The following TENM3 variants were observed in gnomAD, a reference collection of about 807,000 sequenced individuals.
TENM3 encodes the protein teneurin transmembrane protein 3.
A neutral mutation model predicts 255.1 loss-of-function variants in TENM3; 63 were observed. The observed-to-expected ratio is 0.25, with a 90% CI of 0.20 to 0.30. The LOEUF (loss-of-function observed/expected upper bound fraction) is 0.30, where lower values mean the gene tolerates loss of function less well. Ranked by LOEUF, TENM3 falls within the 10% of genes least tolerant of loss-of-function variation. The probability of loss-of-function intolerance (pLI) is 1.00; values close to 1 mark genes in which losing one functional copy is unlikely to be tolerated. For missense variants in TENM3, 2,929 were observed against 3,461.1 expected (o/e 0.85, Z 3.86); for synonymous variants, 1,306 against 1,322.3 (o/e 0.99, Z 0.27).
chr4:182,445,820 C>T (rs1273328880), intron 3 of TENM3, among the ~76,000 whole-genome samples: 1 of 152,168 alleles, frequency 6.6e-6, no homozygotes, highest in Non-Finnish European at 1.5e-5. Flanking sequence ...TTGATAGTGT[C>T]TGCTCATGGA....
At chr4:181,655,315 G>A in the TENM3 span, among the ~76,000 whole-genome samples, 29 of 152,210 alleles carry the variant, frequency 1.9e-4, no homozygotes, top group African/African-American at 6.0e-4. Flanking sequence ...AGATGATAGT[G>A]CCATTAATGA....
the TENM3 span, among the ~76,000 whole-genome samples, chr4:181,825,395 C>A: frequency 4.3e-5 from 3 of 69,152 alleles, no homozygotes; most frequent in Non-Finnish European, 7.6e-5. Context: ...AGTGAGACTC[C>A]ATCTCAAAAA....
chr4:181,603,623 TAATG>T, the TENM3 span, among the ~76,000 whole-genome samples: 1 of 152,086 alleles, frequency 6.6e-6, no homozygotes, highest in South Asian at 2.1e-4. Flanking sequence ...AATATAGAAA[TAATG>T]AAATATTAAA....
At chr4:182,131,064 C>T in the TENM3 span, among the ~76,000 whole-genome samples, 1 of 152,102 alleles carries the variant, frequency 6.6e-6, no homozygotes, top group Admixed American at 6.5e-5. Context: ...GCCAAGTCAT[C>T]TGCACAAGTG....
At chr4:182,041,422 A>C in the TENM3 span, among the ~76,000 whole-genome samples, 26 of 152,304 alleles carry the variant, frequency 1.7e-4, no homozygotes, top group Admixed American at 5.9e-4. Flanking sequence ...TACTGGAAAA[A>C]AAGCAAAGAC....
At chr4:182,421,911 G>A (rs1770864228) in intron 3 of TENM3, among the ~76,000 whole-genome samples, 2 of 152,142 alleles carry the variant, frequency 1.3e-5, no homozygotes, top group Admixed American at 6.5e-5. Flanking sequence ...CATTCGGGAT[G>A]ACCATTGGCT....
intron 24 of TENM3, among the ~76,000 whole-genome samples, chr4:182,787,735 C>CAAA (rs33998093): frequency 6.5e-4 from 27 of 41,572 alleles, no homozygotes; most frequent in East Asian, 3.3e-3. Context: ...AACTCCACCT[C>CAAA]AAAAAAAAAA....
At chr4:182,397,756 G>T (rs1768945100) in intron 3 of TENM3, among the ~76,000 whole-genome samples, 1 of 152,090 alleles carries the variant, frequency 6.6e-6, no homozygotes, top group African/African-American at 2.4e-5. Flanking sequence ...CAAATTGCTG[G>T]GCCCCCTTCC....
chr4:181,574,762 G>T, the TENM3 span, among the ~76,000 whole-genome samples: 1 of 152,234 alleles, frequency 6.6e-6, no homozygotes, highest in South Asian at 2.1e-4. Context: ...CTTAGAACTG[G>T]AGAGGGCTAA....
the TENM3 span, among the ~76,000 whole-genome samples, chr4:181,595,630 G>A: frequency 1.3e-5 from 2 of 152,022 alleles, no homozygotes; most frequent in African/African-American, 4.8e-5. Context: ...TGACTCATAT[G>A]TGCATTATAG....
At chr4:181,598,865 T>C in the TENM3 span, among the ~76,000 whole-genome samples, 1 of 152,200 alleles carries the variant, frequency 6.6e-6, no homozygotes, top group African/African-American at 2.4e-5. Flanking sequence ...TTGGACTCTT[T>C]TTAAACACGC....
the TENM3 span, among the ~76,000 whole-genome samples, chr4:182,038,160 G>A: frequency 2.6e-5 from 4 of 152,164 alleles, no homozygotes; most frequent in Non-Finnish European, 4.4e-5. Flanking sequence ...GAGGTGAGTT[G>A]GCTCTAGAAG....
Position 182,653,898 on chromosome 4 carries a change from G to C in TENM3, c.1111+5G>C. ...CATTACCTTCTGGAGACAATGGTAA[G>C]CGAAAGAATTATGTATCCTGTGTTT... On this transcript the variant is annotated splice_donor_5th_base_variant and intron_variant, in intron 6 of 27. Coordinates refer to ENST00000511685, the MANE Select transcript of TENM3 (RefSeq NM_001080477.4). The C allele has an allele frequency of 6.2e-7, 1 of 1,605,470 alleles. No individual in the cohort carries two copies. The highest frequency in any genetic ancestry group is 8.5e-7 in the Non-Finnish European group (1 of 1,176,416).
At chr4:181,834,697 G>A in the TENM3 span, among the ~76,000 whole-genome samples, 3 of 152,176 alleles carry the variant, frequency 2.0e-5, no homozygotes, top group African/African-American at 7.2e-5. Context: ...TTCAAGAGAT[G>A]GAAAGTCAGG....
Position 182,610,799 on chromosome 4 carries a change from A to G in TENM3, c.749+9638A>G, listed in dbSNP as rs1444782462. On this transcript the variant is annotated intron_variant, in intron 4 of 27. Transcript: ENST00000511685. ...TACTCTGTTTCTCAGGCTGGAATGCAGTGGTATGATCACAGCTCACTACAA... is the reference window on the plus strand; with the variant it reads ...TACTCTGTTTCTCAGGCTGGAATGCGGTGGTATGATCACAGCTCACTACAA... Among the ~76,000 whole-genome samples, 10 of 146,376 alleles carry G rather than the reference A, an allele frequency of 6.8e-5. No individual in the cohort carries two copies. The Admixed American group carries it at 6.9e-4, about 10-fold the overall frequency.
intron 1 of TENM3, among the ~76,000 whole-genome samples, chr4:182,204,321 A>G (rs1754407856): frequency 6.6e-6 from 1 of 152,212 alleles, no homozygotes; most frequent in Non-Finnish European, 1.5e-5. Flanking sequence ...GGAATGTGTA[A>G]TACCTTTATT....
intron 3 of TENM3, among the ~76,000 whole-genome samples, chr4:182,514,992 A>G (rs923869243): frequency 6.6e-6 from 1 of 152,234 alleles, no homozygotes; most frequent in Non-Finnish European, 1.5e-5. Context: ...GAAACCAAGA[A>G]AGGAGAACAT....
At chr4:182,528,123 GT>G (rs532708228) in intron 3 of TENM3, among the ~76,000 whole-genome samples, 12 of 152,048 alleles carry the variant, frequency 7.9e-5, no homozygotes, top group African/African-American at 2.9e-4. Flanking sequence ...TTAAAAGTTT[GT>G]TTTTTTATTT....
In TENM3 at chr4:182,755,614, G is replaced by A. The variant is rs545548387; in HGVS notation, c.4892+355G>A. Among the ~76,000 whole-genome samples the A allele has an allele frequency of 4.7e-4, 72 of 152,174 alleles. No homozygotes were observed. In the South Asian group the frequency reaches 8.1e-3, roughly 17 times the overall value. ...AGCACTTTGGGAGGCCGAGGCGGGC[G>A]GATCACGAGGTCAGAAGATCGAGAC... On this transcript the variant is annotated intron_variant, in intron 22 of 27. Coordinates refer to ENST00000511685, the MANE Select transcript of TENM3 (RefSeq NM_001080477.4).
Sources: allele counts gnomAD v4.1 joint callset (sites outside exome capture counted in the v4.1 genomes callset), GRCh38; gene constraint gnomAD v4.1.1; transcripts MANE v1.5; gene names NCBI Gene and HGNC (gene_info 2026-07-23, HGNC 2026-07-21).